CHL1: variants seen among roughly 807,000 people sequenced by gnomAD.
CHL1 encodes neural cell adhesion molecule L1-like protein.
CHL1 carries 96 observed loss-of-function variants against 141.9 expected under a neutral mutation model. The observed-to-expected ratio is 0.68, with a 90% CI of 0.57 to 0.80. CHL1 has a LOEUF of 0.80. CHL1 is among the 30% of genes least tolerant of loss of function. CHL1 has a pLI of 0.00. For missense variants in CHL1, 1,820 were observed against 1,457.2 expected, an observed-to-expected ratio of 1.25 and a Z score of -4.05; for synonymous variants, 613 against 502.2, an observed-to-expected ratio of 1.22 and a Z score of -2.95.
At chr3:333,527 C>A (rs540767363) in intron 5 of CHL1, among the ~76,000 whole-genome samples, 1 of 151,790 alleles carries the variant, frequency 6.6e-6, no homozygotes, top group South Asian at 2.1e-4. Flanking sequence ...ACAACAAGAA[C>A]CAAACAAACA....
At chr3:394,670 G>C (rs1187386805) in intron 23 of CHL1, 23 bp from the exon 24 acceptor site, 6 of 1,543,180 alleles carry the variant, frequency 3.9e-6, no homozygotes, top group Non-Finnish European at 5.3e-6. Context: ...CATTTGAGCT[G>C]TTGTTCATGT....
intron 16 of CHL1, among the ~76,000 whole-genome samples, chr3:381,794 T>G (rs114499696): frequency 0.012 from 1,837 of 152,196 alleles, 13 homozygotes; most frequent in Middle Eastern, 0.041. Flanking sequence ...TCCCCTTATC[T>G]GAGGTCTCCA....
chr3:366,652 C>T (rs1163445366), intron 15 of CHL1, among the ~76,000 whole-genome samples: 1 of 150,418 alleles, frequency 6.6e-6, no homozygotes, highest in Non-Finnish European at 1.5e-5. Flanking sequence ...CTCTAAGTAA[C>T]CGAGGAAGAA....
intron 2 of CHL1, among the ~76,000 whole-genome samples, chr3:251,246 T>C (rs1693668651): frequency 6.6e-6 from 1 of 152,128 alleles, no homozygotes; most frequent in Admixed American, 6.6e-5. Context: ...AATCCATCTG[T>C]GCTGGGGAGG....
rs139090809 is a variant in CHL1, at chr3:404,864, T to C, written c.3459-631T>C. On this transcript the variant is annotated intron_variant, in intron 27 of 27. Transcript: ENST00000256509. ...AAAATACCATAAGCTGGGTGGCTTA[T>C]AAAAGAACAGAAACTTAATTCCCAC... is the stretch of plus-strand genomic sequence containing the variant. Among the ~76,000 whole-genome samples, 757 of 152,224 alleles carry C rather than the reference T, an allele frequency of 5.0e-3. 4 individuals are homozygous for C. The highest frequency in any genetic ancestry group is 0.017 in the African/African-American group (725 of 41,550).
chr3:287,743 G>A (rs1697289717), intron 2 of CHL1, among the ~76,000 whole-genome samples: 2 of 151,558 alleles, frequency 1.3e-5, no homozygotes, highest in Non-Finnish European at 2.9e-5. Flanking sequence ...GTAGCAGATA[G>A]ATACATTGCT....
At chr3:372,736 C>G (rs7609931) in intron 15 of CHL1, among the ~76,000 whole-genome samples, 152,280 of 152,280 alleles carry the variant, frequency 1, 76,140 homozygotes, top group Non-Finnish European at 1. Flanking sequence ...AATTTGTCTT[C>G]CTTCTATCTT....
At chr3:333,635 C>A (rs999406622) in intron 5 of CHL1, among the ~76,000 whole-genome samples, 1 of 152,130 alleles carries the variant, frequency 6.6e-6, no homozygotes, top group Non-Finnish European at 1.5e-5. Context: ...CAACAATCTT[C>A]CTGAAACTCC....
At chr3:275,797 G>GA (rs1391775781) in intron 2 of CHL1, among the ~76,000 whole-genome samples, 1 of 152,026 alleles carries the variant, frequency 6.6e-6, no homozygotes, top group Non-Finnish European at 1.5e-5. Context: ...ATCTCAGTCT[G>GA]AAAAGAATGC....
intron 2 of CHL1, 94 bp from the exon 3 acceptor site, chr3:319,589 A>G (rs1342276911): frequency 4.3e-5 from 21 of 486,934 alleles, no homozygotes; most frequent in Non-Finnish European, 7.1e-5. Flanking sequence ...ATACTGCCAA[A>G]CCAAAAAAAA....
chr3:311,640 C>T (rs1699761829), intron 2 of CHL1, among the ~76,000 whole-genome samples: 1 of 152,162 alleles, frequency 6.6e-6, no homozygotes, highest in African/African-American at 2.4e-5. Context: ...AGGTCTTACC[C>T]TCTTATGAGC....
At chr3:298,669 G>T (rs1052681516) in intron 2 of CHL1, among the ~76,000 whole-genome samples, 2 of 152,178 alleles carry the variant, frequency 1.3e-5, no homozygotes, top group African/African-American at 4.8e-5. Context: ...CAAATCTCAT[G>T]TTTAATAGGA....
At chr3:405,436 C>T in intron 27 of CHL1, 59 bp from the exon 28 acceptor site, 3 of 1,140,426 alleles carry the variant, frequency 2.6e-6, no homozygotes, top group East Asian at 2.4e-5. Context: ...GACTGTGTTG[C>T]TTTACATGAA....
At position 363,255 on chromosome 3, in the gene CHL1, G is replaced by T; in HGVS notation, c.1457G>T (p.Arg486Leu). The stretch of plus-strand genomic sequence containing the variant: ...GAAGTGAAACCCCTGGAGGGCAGGC[G>T]GTATCATATCTATGAAAATGGCACA... ...VEEVKPLEGR[R>L]YHIYENGTLQ... The change falls in exon 14 of 28, where the codon CGG becomes CTG. Residue 486 changes from arginine to leucine, a missense_variant. Arg to Leu is a moderately radical substitution (Grantham distance 102). Transcript: ENST00000256509. The T allele has an allele frequency of 6.2e-7, 1 of 1,613,324 alleles. No individual in the cohort carries two copies. The highest frequency in any genetic ancestry group is 2.2e-5 in the East Asian group (1 of 44,874).
intron 1 of CHL1, among the ~76,000 whole-genome samples, chr3:214,395 G>A (rs1327754078): frequency 1.3e-5 from 2 of 152,114 alleles, no homozygotes; most frequent in Non-Finnish European, 2.9e-5. Flanking sequence ...ATCTGACTAT[G>A]AAATATCAGA....
intron 2 of CHL1, among the ~76,000 whole-genome samples, chr3:269,130 C>T (rs1206607902): frequency 6.6e-6 from 1 of 152,116 alleles, no homozygotes; most frequent in Non-Finnish European, 1.5e-5. Context: ...ACTCAATTTC[C>T]CCAACCATCA....
chr3:242,604 T>TAAAATA (rs550769338), intron 1 of CHL1, among the ~76,000 whole-genome samples: 1 of 106,612 alleles, frequency 9.4e-6, no homozygotes, highest in African/African-American at 3.0e-5. Context: ...TCAAAATAAA[T>TAAAATA]AAATAAAATA....
chr3:352,294 C>T (rs1165140859), intron 10 of CHL1, among the ~76,000 whole-genome samples: 1 of 151,958 alleles, frequency 6.6e-6, no homozygotes, highest in Non-Finnish European at 1.5e-5. Context: ...TTAATAAGAA[C>T]CTGTGAAGAA....
intron 2 of CHL1, among the ~76,000 whole-genome samples, chr3:311,447 T>G (rs543885125): frequency 1.8e-4 from 28 of 152,200 alleles, no homozygotes; most frequent in Admixed American, 1.6e-3. Context: ...GTAGGGCTGT[T>G]CTTCCTTGGG....
Sources: allele counts gnomAD v4.1 joint callset (sites outside exome capture counted in the v4.1 genomes callset), GRCh38; gene constraint gnomAD v4.1.1; transcripts MANE v1.5; gene names NCBI Gene and HGNC (gene_info 2026-07-23, HGNC 2026-07-21).